The following KMT2C variants were observed in gnomAD, a reference collection of about 807,000 sequenced individuals.
KMT2C encodes histone-lysine N-methyltransferase 2C.
Under a neutral mutation model 507.9 loss-of-function variants are expected in KMT2C, and 88 were observed. That is an observed-to-expected ratio of 0.17 (90% CI 0.15 to 0.21). The LOEUF (loss-of-function observed/expected upper bound fraction) is 0.21. Ranked by LOEUF, KMT2C falls within the 10% of genes least tolerant of loss-of-function variation. The probability of loss-of-function intolerance (pLI) is 1.00; values close to 1 mark genes in which losing one functional copy is unlikely to be tolerated. For missense variants in KMT2C, 4,954 were observed against 5,957.8 expected (o/e 0.83, Z 5.55); for synonymous variants, 2,049 against 2,080.8 (o/e 0.98, Z 0.42).
chr7:152,159,236 T>C (rs2092297714), intron 43 of KMT2C, among the ~76,000 whole-genome samples, 164 bp from the exon 44 acceptor site: 1 of 152,186 alleles, frequency 6.6e-6, no homozygotes, highest in African/African-American at 2.4e-5. Context: ...AAAAACACCA[T>C]CCTTTTCTTC....
At chr7:152,262,002 C>T (rs36036869) in intron 9 of KMT2C, among the ~76,000 whole-genome samples, 5,452 of 152,046 alleles carry the variant, frequency 0.036, 142 homozygotes, top group South Asian at 0.089. Context: ...CTCCCCTCAA[C>T]CCCCACCACT....
chr7:152,250,515 C>G (rs1449156502), intron 12 of KMT2C, among the ~76,000 whole-genome samples: 1 of 152,078 alleles, frequency 6.6e-6, no homozygotes, highest in Non-Finnish European at 1.5e-5. Context: ...TGATCCAATA[C>G]AGTAAATTTT....
chr7:152,289,864 T>G (rs896829677), intron 6 of KMT2C, among the ~76,000 whole-genome samples: 1 of 152,052 alleles, frequency 6.6e-6, no homozygotes, highest in Non-Finnish European at 1.5e-5. Context: ...CTAGCCAACA[T>G]AGTGAAACCC....
At chr7:152,155,455 A>G (rs7810535) in intron 46 of KMT2C, among the ~76,000 whole-genome samples, 17,172 of 152,188 alleles carry the variant, frequency 0.11, 2,223 homozygotes, top group African/African-American at 0.31. Context: ...ACACAAAGAC[A>G]TCAAACCCCA....
At position 152,205,111 on chromosome 7, in the gene KMT2C, T is replaced by C. The variant is rs751190607; in HGVS notation, c.3956A>G (p.Asp1319Gly). 4 of 1,610,484 alleles carry C rather than the reference T, an allele frequency of 2.5e-6. No individual in the cohort carries two copies. In the South Asian group the frequency reaches 3.3e-5, roughly 13 times the overall value. ...TTTTTAAGTCAGTACTATACCATCA[T>C]CTCTGCAAGGTAACTGCTCGGAAAT... ...GSISEQLPCR[D>G]DGWSEQLPDT... The change falls in exon 25 of 59, where the codon GAT becomes GGT. Residue 1319 changes from aspartate (D) to glycine (G), a missense_variant. Transcript: ENST00000262189.
chr7:152,215,322 G>C (rs989362721), intron 23 of KMT2C, among the ~76,000 whole-genome samples: 1 of 151,480 alleles, frequency 6.6e-6, no homozygotes, highest in African/African-American at 2.4e-5. Flanking sequence ...GACCAACCTG[G>C]CTAACATGGT....
intron 6 of KMT2C, among the ~76,000 whole-genome samples, chr7:152,295,332 G>C (rs930503777): frequency 6.6e-6 from 1 of 152,040 alleles, no homozygotes; most frequent in Non-Finnish European, 1.5e-5. Context: ...CCTCATCTTG[G>C]TATGCAAAGC....
At chr7:152,375,475 T>A (rs2097322052) in intron 1 of KMT2C, among the ~76,000 whole-genome samples, 1 of 151,720 alleles carries the variant, frequency 6.6e-6, no homozygotes, top group African/African-American at 2.4e-5. Flanking sequence ...AACCTCTATC[T>A]CCCAGGTTCA....
chr7:152,195,287 A>G (rs946183936), intron 28 of KMT2C, among the ~76,000 whole-genome samples: 1 of 152,232 alleles, frequency 6.6e-6, no homozygotes, highest in African/African-American at 2.4e-5. Flanking sequence ...TGTAAACCAC[A>G]TATTAACAAA....
chr7:152,245,496 T>A (rs2095457751), intron 14 of KMT2C, among the ~76,000 whole-genome samples: 1 of 152,178 alleles, frequency 6.6e-6, no homozygotes, highest in East Asian at 1.9e-4. Flanking sequence ...TGTTTTTGTT[T>A]TTTTAAAGTG....
chr7:152,188,133 A>G (rs1044678525), intron 31 of KMT2C, among the ~76,000 whole-genome samples: 1 of 152,224 alleles, frequency 6.6e-6, no homozygotes, highest in Non-Finnish European at 1.5e-5. Flanking sequence ...AGAGATGCTT[A>G]TACTTCTAAA....
At chr7:152,346,859 G>A (rs1344162589) in intron 2 of KMT2C, among the ~76,000 whole-genome samples, 1 of 152,218 alleles carries the variant, frequency 6.6e-6, no homozygotes, top group Non-Finnish European at 1.5e-5. Flanking sequence ...AGGCACAGTG[G>A]CTCACACCTG....
rs138756471 is a variant in KMT2C at position 152,388,330 on chromosome 7, G to A, written c.162-29655C>T. On this transcript the variant is annotated intron_variant, in intron 1 of 58. Coordinates refer to ENST00000262189, the MANE Select transcript of KMT2C (RefSeq NM_170606.3). ...TCCCAACACTTTGGAATGCCGAGGT[G>A]GGTGGACCTCCTGAGGTCAGGAGTT... is the stretch of plus-strand genomic sequence containing the variant. 2.4e-4 allele frequency among the ~76,000 whole-genome samples: 37 copies of A among 152,064 alleles called. 1 individual carries two copies. Among genetic ancestry groups the A allele is most frequent in the Admixed American group, 6.5e-4 (10 of 15,274 alleles).
At chr7:152,307,671 T>C (rs1016740327) in intron 6 of KMT2C, among the ~76,000 whole-genome samples, 1 of 152,164 alleles carries the variant, frequency 6.6e-6, no homozygotes, top group African/African-American at 2.4e-5. Context: ...TAGGACACAG[T>C]CTTCATCTCT....
rs556556341 is a variant in KMT2C, at chr7:152,421,029, G to C, written c.161+14597C>G. On this transcript the variant is annotated intron_variant, in intron 1 of 58. Coordinates refer to ENST00000262189, the MANE Select transcript of KMT2C (RefSeq NM_170606.3). The stretch of plus-strand genomic sequence containing the variant: ...GAATTTAAAGTATAATAAAAAAATA[G>C]TTTATAATAAAAAAAAAACAAGCAA... 4.5e-4 allele frequency among the ~76,000 whole-genome samples: 68 copies of C among 150,922 alleles called. 1 individual carries two copies. Among genetic ancestry groups the C allele is most frequent in the African/African-American group, 1.6e-3 (66 of 41,126 alleles).
In KMT2C at chr7:152,350,267, T is replaced by C. The variant is rs555643119; in HGVS notation, c.250+8320A>G. On this transcript the variant is annotated intron_variant, in intron 2 of 58. Coordinates refer to ENST00000262189, the MANE Select transcript of KMT2C (RefSeq NM_170606.3). The stretch of plus-strand genomic sequence containing the variant: ...CTCTGTCTCAAAAAAAATAAATAAA[T>C]AAAATAAAGTCTATTTTTAAAAACT... Among the ~76,000 whole-genome samples, 79 of 152,196 alleles carry C rather than the reference T, an allele frequency of 5.2e-4. 1 individual carries two copies. The highest frequency in any genetic ancestry group is 4.3e-3 in the Admixed American group (65 of 15,276).
At chr7:152,273,077 A>C (rs1588781946) in intron 7 of KMT2C, among the ~76,000 whole-genome samples, 1 of 152,154 alleles carries the variant, frequency 6.6e-6, no homozygotes, top group Non-Finnish European at 1.5e-5. Context: ...TTAATGATAC[A>C]ATAGTAAAGA....
intron 1 of KMT2C, among the ~76,000 whole-genome samples, chr7:152,363,485 C>G (rs1563995935): frequency 6.6e-6 from 1 of 152,126 alleles, no homozygotes; most frequent in Admixed American, 6.6e-5. Context: ...CAAAATTACC[C>G]TCCAGCCCAA....
chr7:152,416,317 G>A (rs1242643810), intron 1 of KMT2C, among the ~76,000 whole-genome samples: 49 of 151,884 alleles, frequency 3.2e-4, no homozygotes, highest in Non-Finnish European at 6.8e-4. Flanking sequence ...AGGCCGAGGC[G>A]GGCAGATCAC....
Sources: gnomAD v4.1 joint callset for allele counts (sites outside exome capture counted in the v4.1 genomes callset) on GRCh38, gnomAD v4.1.1 for gene constraint, MANE v1.5 for transcripts, NCBI Gene and HGNC (gene_info 2026-07-23, HGNC 2026-07-21) for gene names.